PIP5K1C: variants seen among roughly 807,000 people sequenced by gnomAD.
PIP5K1C encodes phosphatidylinositol-4-phosphate 5-kinase type 1 gamma, also known as phosphatidylinositol 4-phosphate 5-kinase type-1 gamma.
In PIP5K1C, 45 loss-of-function variants were observed where a neutral mutation model predicts 80.1. The observed-to-expected ratio is 0.56, with a 90% CI of 0.44 to 0.72. PIP5K1C has a LOEUF of 0.72. Ranked by LOEUF, PIP5K1C falls within the 30% of genes least tolerant of loss-of-function variation. The pLI is 0.00. For missense variants in PIP5K1C, 753 were observed against 954.6 expected, an observed-to-expected ratio of 0.79 and a Z score of 2.78; for synonymous variants, 498 against 420.1, an observed-to-expected ratio of 1.19 and a Z score of -2.27.
At chr19:3,644,992 T>C (rs1000639863) in intron 11 of PIP5K1C, among the ~76,000 whole-genome samples, 2 of 151,918 alleles carry the variant, frequency 1.3e-5, no homozygotes, top group African/African-American at 4.8e-5. Context: ...TCCCAGAGAG[T>C]GGGGTGTGGG....
chr19:3,645,763 G>A (rs752092093), intron 11 of PIP5K1C, among the ~76,000 whole-genome samples: 74 of 152,234 alleles, frequency 4.9e-4, no homozygotes, highest in Non-Finnish European at 6.8e-4. Flanking sequence ...AGGCTCTGGC[G>A]GTGGCTCCAG....
Position 3,630,676 on chromosome 19 carries a change from GAC to G in PIP5K1C, c.*2489_*2490del, listed in dbSNP as rs1038565203. 6.6e-6 allele frequency: 1 copy of G among 152,526 alleles called. No homozygotes were observed. Among genetic ancestry groups the G allele is most frequent in the Non-Finnish European group, 1.5e-5 (1 of 68,062 alleles). The allele number at this position is 152,526 out of a possible 1,614,324, so 9.4% of individuals were successfully genotyped here. On this transcript the variant is annotated 3_prime_UTR_variant, in exon 18 of 18. Coordinates refer to ENST00000335312, the MANE Select transcript of PIP5K1C (RefSeq NM_012398.3). ...CGTAGGGGGACAGAGCCTGGCAGGA[GAC>G]ACATGGAAGTTTCCGCCTTGTCAGT...
chr19:3,657,704 T>A (rs112756748), intron 5 of PIP5K1C, among the ~76,000 whole-genome samples: 95 of 150,426 alleles, frequency 6.3e-4, no homozygotes, highest in African/African-American at 2.3e-3. Flanking sequence ...CTGAGGAGGA[T>A]CATTTGAGCC....
In PIP5K1C at chr19:3,651,928, G is replaced by A. The variant is rs1235834771; in HGVS notation, c.1025C>T (p.Ser342Leu). The change falls in exon 8 of 18, where the codon TCA becomes TTA. Residue 342 changes from serine (S) to leucine (L), a missense_variant. By Grantham distance (145) the Ser-to-Leu change is moderately radical. Around this residue, in one of 6 missense-constraint regions of PIP5K1C, gnomAD observed 105 missense variants for 133.4 expected, o/e 0.79. Coordinates refer to ENST00000335312, the MANE Select transcript of PIP5K1C (RefSeq NM_012398.3). ...ERQAQGAQST[S>L]DEKRPVGQKA... ...CTGGCCCACAGGCCGCTTCTCATCT[G>A]AGGTGCTCTGGGCGCCCTGCGCCTG... 6.2e-7 allele frequency: 1 copy of A among 1,612,904 alleles called. No individual in the cohort carries two copies.
At chr19:3,658,045 G>A (rs1369655136) in intron 5 of PIP5K1C, among the ~76,000 whole-genome samples, 2 of 152,236 alleles carry the variant, frequency 1.3e-5, no homozygotes, top group Admixed American at 1.3e-4. Flanking sequence ...CTGTGAATAT[G>A]TTTGGGGACC....
At chr19:3,694,551 T>C (rs1173118323) in intron 1 of PIP5K1C, among the ~76,000 whole-genome samples, 2 of 152,206 alleles carry the variant, frequency 1.3e-5, no homozygotes, top group Non-Finnish European at 2.9e-5. Flanking sequence ...CACAGAGCAC[T>C]GCCCACGGAC....
At chr19:3,679,167 G>A (rs560583046) in intron 1 of PIP5K1C, among the ~76,000 whole-genome samples, 1 of 152,164 alleles carries the variant, frequency 6.6e-6, no homozygotes, top group African/African-American at 2.4e-5. Context: ...CTTGGACACA[G>A]GTGTTTTCAA....
Position 3,648,684 on chromosome 19 carries a change from G to T in PIP5K1C, c.1152C>A (p.Asn384Lys). 2 of 1,612,970 alleles carry T rather than the reference G, an allele frequency of 1.2e-6. No homozygotes were observed. The highest frequency in any genetic ancestry group is 1.7e-6 in the Non-Finnish European group (2 of 1,179,838). ...DDTMGGIPAV[N>K]GRGERLLLHI... ...GCAGCAGCAGCCGCTCCCCGCGGCC[G>T]TTCACAGCGGGGATCCCGCCCATCC... The change falls in exon 9 of 18, where the codon AAC (asparagine) becomes AAA (lysine). Residue 384 changes from asparagine to lysine, a missense_variant. This residue lies in a region of PIP5K1C where 114 missense variants were observed against 152.4 expected (regional missense o/e 0.75). Transcript: ENST00000335312. The surrounding 1 kb of genome is among the most constrained non-coding windows in gnomAD (Gnocchi z 4.3).
intron 1 of PIP5K1C, among the ~76,000 whole-genome samples, chr19:3,670,800 A>G (rs1254275513): frequency 3.9e-5 from 6 of 152,130 alleles, no homozygotes; most frequent in African/African-American, 1.4e-4. Flanking sequence ...GGACAGACCC[A>G]TGGTGCTCAC....
Position 3,651,808 on chromosome 19 carries a change from G to T in PIP5K1C, c.1127+18C>A. ...GGAAGGGAAGCGGGACGGGTCCGGC[G>T]GCCCCCCGCCCACCTACGTGTCATC... is the stretch of plus-strand genomic sequence containing the variant. On this transcript the variant is annotated intron_variant, in intron 8 of 17. Transcript: ENST00000335312. 1 of 1,607,440 alleles carries T rather than the reference G, an allele frequency of 6.2e-7. No homozygotes were observed. Among genetic ancestry groups the T allele is most frequent in the Non-Finnish European group, 8.5e-7 (1 of 1,176,940 alleles).
rs1224427060 is a variant in PIP5K1C at position 3,660,966 on chromosome 19, C to T, written c.468G>A (p.Leu156=). Residue 156 remains leucine (L), a splice_region_variant and synonymous_variant, in exon 5 of 18, where the codon TTG becomes TTA. Coordinates refer to ENST00000335312, the MANE Select transcript of PIP5K1C (RefSeq NM_012398.3). The stretch of plus-strand genomic sequence containing the variant: ...AGCCCGTAACAGCAAATATGCTTAC[C>T]AAGTAATCATCTGGCCGGATCCCAA... ...ELFGIRPDDY[L]YSLCNEPLIE... 6.2e-7 allele frequency: 1 copy of T among 1,608,364 alleles called. No individual in the cohort carries two copies. The highest frequency in any genetic ancestry group is 1.1e-5 in the South Asian group (1 of 91,000).
chr19:3,675,598 G>A (rs994045165), intron 1 of PIP5K1C, among the ~76,000 whole-genome samples: 1 of 152,216 alleles, frequency 6.6e-6, no homozygotes, highest in Non-Finnish European at 1.5e-5. Flanking sequence ...TATGGACCGG[G>A]ATGGACAGTC....
intron 8 of PIP5K1C, among the ~76,000 whole-genome samples, chr19:3,650,478 T>C (rs2034396651): frequency 6.6e-6 from 1 of 152,244 alleles, no homozygotes; most frequent in Non-Finnish European, 1.5e-5. Flanking sequence ...ACATCTGTGG[T>C]TGTCACAACT....
At chr19:3,680,055 G>GA (rs926241122) in intron 1 of PIP5K1C, among the ~76,000 whole-genome samples, 3 of 152,350 alleles carry the variant, frequency 2.0e-5, no homozygotes, top group Non-Finnish European at 2.9e-5. Context: ...GCAAAGGCCT[G>GA]AAGCCCCACA....
At chr19:3,642,074 C>A (rs2033986765) in intron 14 of PIP5K1C, among the ~76,000 whole-genome samples, 1 of 152,204 alleles carries the variant, frequency 6.6e-6, no homozygotes, top group Non-Finnish European at 1.5e-5. Flanking sequence ...GTGCCACAGA[C>A]CCTGCCCACC....
At chr19:3,662,920 G>A (rs2034885765) in intron 3 of PIP5K1C, among the ~76,000 whole-genome samples, 1 of 151,632 alleles carries the variant, frequency 6.6e-6, no homozygotes, top group East Asian at 1.9e-4. Flanking sequence ...GGAATGCAGT[G>A]GTGCGATCTT....
At chr19:3,667,223 G>T in intron 2 of PIP5K1C, 99 bp downstream of exon 2, 2 of 1,008,270 alleles carry the variant, frequency 2.0e-6, no homozygotes, top group Non-Finnish European at 3.1e-6. Flanking sequence ...GCCCAGAGAG[G>T]TGTAGTGAGC....
At position 3,637,855 on chromosome 19, in the gene PIP5K1C, C is replaced by T; in HGVS notation, c.1920+1029G>A. 6.5e-7 allele frequency: 1 copy of T among 1,535,382 alleles called. No individual in the cohort carries two copies. On this transcript the variant is annotated intron_variant, in intron 16 of 17. Coordinates refer to ENST00000335312, the MANE Select transcript of PIP5K1C (RefSeq NM_012398.3). This position sits in a 1 kb window ranked among gnomAD's most constrained non-coding sequence, Gnocchi z 7.0. The stretch of plus-strand genomic sequence containing the variant: ...CACAGACACACAGCACGACATGGCC[C>T]CCAGGCCCCCCGTACCATCCGGAGA...
intron 1 of PIP5K1C, among the ~76,000 whole-genome samples, chr19:3,678,586 A>AGGACGGAGG (rs1568350686): frequency 2.8e-5 from 1 of 35,930 alleles, no homozygotes. Flanking sequence ...ATGGAGGGAT[A>AGGACGGAGG]AAGGGATGGA....
Sources: allele counts gnomAD v4.1 joint callset (sites outside exome capture counted in the v4.1 genomes callset), GRCh38; gene constraint gnomAD v4.1.1; regional missense constraint gnomAD v4.1.1; non-coding constraint Gnocchi (gnomAD v3.1); transcripts MANE v1.5; gene names NCBI Gene and HGNC (gene_info 2026-07-23, HGNC 2026-07-21).